The following SLC5A11 variants were observed in gnomAD, a reference collection of about 807,000 sequenced individuals.
The protein encoded by SLC5A11 is solute carrier family 5 member 11.
Under a neutral mutation model 69.8 loss-of-function variants are expected in SLC5A11, and 48 were observed. The observed-to-expected ratio is 0.69, with a 90% CI of 0.55 to 0.87. The LOEUF (loss-of-function observed/expected upper bound fraction) is 0.87. Ranked by LOEUF, SLC5A11 falls within the 40% of genes least tolerant of loss-of-function variation. The probability of loss-of-function intolerance (pLI) is 0.00; values close to 1 mark genes in which losing one functional copy is unlikely to be tolerated. For missense variants in SLC5A11, 784 were observed against 866.1 expected (o/e 0.91, Z 1.19); for synonymous variants, 319 against 342.4 (o/e 0.93, Z 0.75).
At chr16:24,879,352 G>A (rs1174692683) in intron 7 of SLC5A11, among the ~76,000 whole-genome samples, 1 of 152,048 alleles carries the variant, frequency 6.6e-6, no homozygotes, top group Non-Finnish European at 1.5e-5. Flanking sequence ...TTTTCAACTG[G>A]TATCCCCCTC....
In SLC5A11 at chr16:24,911,312, G is replaced by C. The variant is rs375806988; in HGVS notation, c.1823-16G>C. ...CAGACCACCTCTACGGTCTTCCTTTGCTGGGTTCTTTCTAGGTGACATGAC... is the reference window on the plus strand; with the variant it reads ...CAGACCACCTCTACGGTCTTCCTTTCCTGGGTTCTTTCTAGGTGACATGAC... On this transcript the variant is annotated splice_polypyrimidine_tract_variant and intron_variant, in intron 15 of 15. Coordinates refer to ENST00000347898, the Ensembl canonical transcript of SLC5A11. The C allele has an allele frequency of 6.2e-7, 1 of 1,613,044 alleles. No homozygotes were observed. The highest frequency in any genetic ancestry group is 8.5e-7 in the Non-Finnish European group (1 of 1,179,808).
intron 12 of SLC5A11, 75 bp downstream of exon 13, chr16:24,907,250 A>ATAGGTTT: frequency 7.7e-6 from 12 of 1,552,662 alleles, no homozygotes; most frequent in Non-Finnish European, 1.1e-5. Context: ...GTCCAGGTTC[A>ATAGGTTT]GCCAGCAACC....
At chr16:24,870,041 C>A in intron 4 of SLC5A11, 36 bp downstream of exon 5, 1 of 1,415,152 alleles carries the variant, frequency 7.1e-7, no homozygotes, top group Non-Finnish European at 1.0e-6. Flanking sequence ...TGACATCTTA[C>A]CTCTACCTAA....
intron 10 of SLC5A11, 51 bp from the exon 12 acceptor site, chr16:24,906,606 G>A: frequency 7.8e-7 from 1 of 1,277,996 alleles, no homozygotes; most frequent in South Asian, 1.5e-5. Context: ...GCCTGGGCCT[G>A]GGGCTCTGGG....
intron 8 of SLC5A11, 29 bp downstream of exon 9, chr16:24,884,160 G>A (rs1431356748): frequency 1.6e-5 from 25 of 1,601,022 alleles, no homozygotes; most frequent in South Asian, 2.2e-5. Flanking sequence ...TCACTGGGGC[G>A]GACAACAGCA....
At chr16:24,860,421 G>C (rs372109054) in intron 2 of SLC5A11, among the ~76,000 whole-genome samples, 6 of 152,196 alleles carry the variant, frequency 3.9e-5, no homozygotes, top group African/African-American at 1.2e-4. Context: ...GTGCCATTGC[G>C]CTCCAGCTTG....
chr16:24,889,694 C>T (rs1185358385), intron 8 of SLC5A11, among the ~76,000 whole-genome samples: 2 of 151,460 alleles, frequency 1.3e-5, no homozygotes, highest in Non-Finnish European at 2.9e-5. Context: ...ATTACAGGCA[C>T]CCACCACCAC....
chr16:24,906,740 C>T lies in SLC5A11; in HGVS notation c.1090C>T (p.Leu364Phe), dbSNP rs199631125. The change falls in exon 11 of 16, where the codon CTC becomes TTC. Residue 364 changes from leucine (L) to phenylalanine (F), a missense_variant. By Grantham distance (22) the Leu-to-Phe change is conservative (BLOSUM62 0). Transcript: ENST00000347898. The stretch of plus-strand genomic sequence containing the variant: ...CTGTTCGGACATCGCGTATCCCAAA[C>T]TCGTGCTGGAACTCCTGCCCACAGG... 7.4e-6 allele frequency: 12 copies of T among 1,613,380 alleles called. No homozygotes were observed. Among genetic ancestry groups the T allele is most frequent in the African/African-American group, 2.7e-5 (2 of 74,974 alleles).
intron 1 of SLC5A11, among the ~76,000 whole-genome samples, chr16:24,856,630 G>T (rs1396536907): frequency 2.7e-5 from 4 of 148,102 alleles, no homozygotes; most frequent in African/African-American, 9.8e-5. Flanking sequence ...AATTAGCTGA[G>T]CGTGGTGGTG....
intron 10 of SLC5A11, among the ~76,000 whole-genome samples, chr16:24,899,588 G>C (rs1793917670): frequency 6.6e-6 from 1 of 152,134 alleles, no homozygotes; most frequent in South Asian, 2.1e-4. Context: ...ATTTTTAGCA[G>C]AGATGGGGTT....
In SLC5A11 at chr16:24,865,812, G is replaced by C. The variant is rs558943652; in HGVS notation, c.207+3140G>C. On this transcript the variant is annotated intron_variant, in intron 3 of 15. Coordinates refer to ENST00000347898, the Ensembl canonical transcript of SLC5A11. ...ATAAAGACATCAGAGAGTAACTTGAGTCTACATGAAAAAAATAAACAAAGA... is the reference window on the plus strand; with the variant it reads ...ATAAAGACATCAGAGAGTAACTTGACTCTACATGAAAAAAATAAACAAAGA... 2.0e-5 allele frequency among the ~76,000 whole-genome samples: 3 copies of C among 151,616 alleles called. No individual in the cohort carries two copies. The South Asian group carries it at 6.3e-4, about 32-fold the overall frequency.
chr16:24,857,401 T>A (rs2152242778), intron 1 of SLC5A11, among the ~76,000 whole-genome samples: 1 of 152,362 alleles, frequency 6.6e-6, no homozygotes, highest in African/African-American at 2.4e-5. Context: ...TTTAACAAAT[T>A]ACCATGAACT....
At chr16:24,870,890 T>G (rs2047255252) in intron 4 of SLC5A11, among the ~76,000 whole-genome samples, 1 of 152,028 alleles carries the variant, frequency 6.6e-6, no homozygotes, top group Non-Finnish European at 1.5e-5. Flanking sequence ...CTGTGTACTT[T>G]AGACGTCAAT....
rs1313745838 is a variant in SLC5A11 at position 24,846,287 on chromosome 16, A to G, written c.-176A>G. On this transcript the variant is annotated 5_prime_UTR_variant, in exon 1 of 16. It adds an upstream start codon to the 5' untranslated region. Transcript: ENST00000347898. ...TGGAGGCTCTCTCAGCAGCGGGCAT[A>G]TAGGAGGAAGGGTCACTGCTGTCTC... is the stretch of plus-strand genomic sequence containing the variant. The G allele has an allele frequency of 6.6e-6, 1 of 152,284 alleles. No homozygotes were observed. Among genetic ancestry groups the G allele is most frequent in the Admixed American group, 6.5e-5 (1 of 15,284 alleles). The allele number at this position is 152,284 out of a possible 1,614,324, so 9.4% of individuals were successfully genotyped here.
At chr16:24,864,144 CAGACAT>C (rs1423708650) in intron 3 of SLC5A11, among the ~76,000 whole-genome samples, 7 of 152,172 alleles carry the variant, frequency 4.6e-5, no homozygotes, top group African/African-American at 1.7e-4. Flanking sequence ...TTGAAAAACT[CAGACAT>C]ATTTCTGGGA....
At chr16:24,862,949 A>T in intron 3 of SLC5A11, among the ~76,000 whole-genome samples, 3 of 141,204 alleles carry the variant, frequency 2.1e-5, no homozygotes, top group Non-Finnish European at 4.5e-5. Context: ...AAAATATATA[A>T]CATATAATTA....
chr16:24,902,591 A>G (rs1441658707), intron 10 of SLC5A11, among the ~76,000 whole-genome samples: 1 of 132,468 alleles, frequency 7.5e-6, no homozygotes, highest in African/African-American at 2.9e-5. Flanking sequence ...CATGTTGCCC[A>G]GGCTGGAGTG....
intron 1 of SLC5A11, among the ~76,000 whole-genome samples, chr16:24,857,331 G>A (rs1036978924): frequency 6.6e-6 from 1 of 152,192 alleles, no homozygotes; most frequent in African/African-American, 2.4e-5. Context: ...ATAAGTCAAT[G>A]CCCTGATCAC....
intron 8 of SLC5A11, among the ~76,000 whole-genome samples, chr16:24,888,810 T>TTC (rs2048573643): frequency 7.5e-6 from 1 of 133,388 alleles, no homozygotes; most frequent in Non-Finnish European, 1.6e-5. Flanking sequence ...TTTTTTTTTT[T>TTC]TTCTGAGACG....
Sources: gnomAD v4.1 joint callset for allele counts (sites outside exome capture counted in the v4.1 genomes callset) on GRCh38, gnomAD v4.1.1 for gene constraint, MANE v1.5 for transcripts, NCBI Gene and HGNC (gene_info 2026-07-23, HGNC 2026-07-21) for gene names.